Variants in FAT3 observed in about 807,000 individuals in gnomAD.
The protein encoded by FAT3 is protocadherin Fat 3.
A neutral mutation model predicts 310.2 loss-of-function variants in FAT3; 95 were observed. The ratio of observed to expected loss-of-function variants is 0.31; its 90% CI spans 0.26 to 0.36. The LOEUF (loss-of-function observed/expected upper bound fraction) is 0.36, where lower values mean the gene tolerates loss of function less well. Among genes scored for constraint, FAT3 ranks in the 10% least tolerant of loss-of-function variants. The pLI, the probability that FAT3 is intolerant of heterozygous loss-of-function variation, is 1.00. For missense variants in FAT3, 5,408 were observed against 5,715.6 expected (o/e 0.95, Z 1.74); for synonymous variants, 2,314 against 2,192.9 (o/e 1.06, Z -1.54).
At chr11:92,851,540 C>T (rs1948829219) in intron 19 of FAT3, among the ~76,000 whole-genome samples, 1 of 152,168 alleles carries the variant, frequency 6.6e-6, no homozygotes, top group Non-Finnish European at 1.5e-5. Flanking sequence ...ACTTATCTTA[C>T]TACCCCACCT....
Position 92,836,634 on chromosome 11 carries a change from G to T in FAT3, c.10155G>T (p.Arg3385=). 1.2e-6 allele frequency: 2 copies of T among 1,613,708 alleles called. No individual in the cohort carries two copies. Among genetic ancestry groups the T allele is most frequent in the Non-Finnish European group, 1.7e-6 (2 of 1,179,768 alleles). ...QIHFSIVNGD[R]DNEFTVDPVL... ...ATTTTTCCATTGTGAATGGAGATCG[G>T]GACAATGAATTTACTGTAGATCCTG... The change falls in exon 16 of 28, where the codon CGG becomes CGT. Residue 3385 remains arginine (R), a synonymous_variant. Coordinates refer to ENST00000525166, the MANE Select transcript of FAT3 (RefSeq NM_001367949.2).
intron 10 of FAT3, among the ~76,000 whole-genome samples, chr11:92,803,083 G>T (rs1428667844): frequency 6.6e-6 from 1 of 151,994 alleles, no homozygotes; most frequent in Non-Finnish European, 1.5e-5. Flanking sequence ...ATAGAAGAAA[G>T]AGGTGAGTGA....
intron 2 of FAT3, among the ~76,000 whole-genome samples, chr11:92,520,621 T>C (rs187985074): frequency 1.3e-5 from 2 of 152,248 alleles, no homozygotes; most frequent in Admixed American, 6.5e-5. Context: ...AATGTGGATT[T>C]ACATTCTTAG....
chr11:92,379,517 T>C (rs1387793943), intron 2 of FAT3, among the ~76,000 whole-genome samples: 1 of 152,194 alleles, frequency 6.6e-6, no homozygotes, highest in Non-Finnish European at 1.5e-5. Flanking sequence ...CAGATGATTC[T>C]GTCCCTGCCT....
In FAT3 at chr11:92,894,783, T is replaced by G. The variant is rs1370951183; in HGVS notation, c.*3670T>G. 1 of 152,168 alleles carries G rather than the reference T, an allele frequency of 6.6e-6. No individual in the cohort carries two copies. Among genetic ancestry groups the G allele is most frequent in the Non-Finnish European group, 1.5e-5 (1 of 68,022 alleles). 9.4% of individuals were successfully genotyped at this position (152,168 alleles called of 1,614,324 possible). On this transcript the variant is annotated 3_prime_UTR_variant, in exon 28 of 28. Transcript: ENST00000525166. The stretch of plus-strand genomic sequence containing the variant: ...TGAGTAGGTGGTCCATGCTTTGAGG[T>G]TCATCCAATTAGGGAATAAATGTGA...
chr11:92,601,915 G>T (rs1481377054), intron 3 of FAT3, among the ~76,000 whole-genome samples: 1 of 152,022 alleles, frequency 6.6e-6, no homozygotes, highest in East Asian at 1.9e-4. Context: ...TTACTGCCGT[G>T]TGCCTTTTGT....
intron 3 of FAT3, among the ~76,000 whole-genome samples, chr11:92,684,485 C>G (rs1477999129): frequency 2.6e-5 from 4 of 152,142 alleles, no homozygotes; most frequent in African/African-American, 9.7e-5. Context: ...CACCACTGTT[C>G]TTGTTTCTGA....
intron 3 of FAT3, among the ~76,000 whole-genome samples, chr11:92,629,015 C>T (rs778304425): frequency 6.6e-5 from 10 of 152,242 alleles, no homozygotes; most frequent in Admixed American, 5.9e-4. Flanking sequence ...TAGAACTTAT[C>T]TTCTGCTCTT....
intron 2 of FAT3, among the ~76,000 whole-genome samples, chr11:92,395,073 G>A (rs1051604917): frequency 1.3e-5 from 2 of 152,172 alleles, no homozygotes; most frequent in African/African-American, 4.8e-5. Flanking sequence ...AGTTGAGAGT[G>A]AGTAGTATAA....
intron 6 of FAT3, among the ~76,000 whole-genome samples, chr11:92,767,150 G>C (rs1167592900): frequency 6.6e-6 from 1 of 151,830 alleles, no homozygotes; most frequent in African/African-American, 2.4e-5. Context: ...TGGGGAGGCT[G>C]AGGCAGGAGA....
chr11:92,551,883 T>C (rs1954833567), intron 3 of FAT3, among the ~76,000 whole-genome samples: 1 of 152,192 alleles, frequency 6.6e-6, no homozygotes, highest in Non-Finnish European at 1.5e-5. Flanking sequence ...TAAATCTGTC[T>C]TTATGTTTCT....
At chr11:92,550,187 C>G (rs1954759299) in intron 3 of FAT3, among the ~76,000 whole-genome samples, 1 of 152,016 alleles carries the variant, frequency 6.6e-6, no homozygotes, top group African/African-American at 2.4e-5. Flanking sequence ...AAAGAAATGT[C>G]AAGGTGTATG....
In FAT3 at chr11:92,457,908, C is replaced by T. The variant is rs569586595; in HGVS notation, c.3293-66726C>T. On this transcript the variant is annotated intron_variant, in intron 2 of 27. Coordinates refer to ENST00000525166, the MANE Select transcript of FAT3 (RefSeq NM_001367949.2). ...CTGCACTCCAGCCTGGGCTACAAAG[C>T]GAGACTCCATCTCAAAAAACAAAAT... is the stretch of plus-strand genomic sequence containing the variant. Among the ~76,000 whole-genome samples, 15 of 152,104 alleles carry T rather than the reference C, an allele frequency of 9.9e-5. 1 individual carries two copies. The South Asian group carries it at 2.9e-3, about 30-fold the overall frequency.
rs545644257 is a variant in FAT3, at chr11:92,870,663, T to C, written c.12127+3454T>C. Among the ~76,000 whole-genome samples, 3 of 152,188 alleles carry C rather than the reference T, an allele frequency of 2.0e-5. No homozygotes were observed. In the South Asian group the frequency reaches 6.2e-4, roughly 32 times the overall value. On this transcript the variant is annotated intron_variant, in intron 22 of 27. Transcript: ENST00000525166. The stretch of plus-strand genomic sequence containing the variant: ...TCCTCCACGCCTTATCATGCTTAGC[T>C]CAAGCCCATTAATGGAAAACACATT...
intron 1 of FAT3, among the ~76,000 whole-genome samples, chr11:92,285,661 A>G (rs1024654127): frequency 6.6e-6 from 1 of 152,172 alleles, no homozygotes; most frequent in Non-Finnish European, 1.5e-5. Flanking sequence ...TATTCCCTTT[A>G]TGCTTAGGAA....
At chr11:92,449,222 A>T (rs1951292216) in intron 2 of FAT3, among the ~76,000 whole-genome samples, 1 of 152,192 alleles carries the variant, frequency 6.6e-6, no homozygotes, top group African/African-American at 2.4e-5. Context: ...ATACAGGCCA[A>T]AGAATTGTAT....
chr11:92,405,293 G>C (rs1950113805), intron 2 of FAT3, among the ~76,000 whole-genome samples: 1 of 152,122 alleles, frequency 6.6e-6, no homozygotes, highest in Admixed American at 6.5e-5. Flanking sequence ...CAGGCATCAT[G>C]GAGGGTGCAC....
chr11:92,719,742 G>GTC (rs1344994890), intron 4 of FAT3, among the ~76,000 whole-genome samples: 1 of 151,168 alleles, frequency 6.6e-6, no homozygotes, highest in Non-Finnish European at 1.5e-5. Context: ...GTGTGTGTGT[G>GTC]TGTGTGTGTG....
intron 2 of FAT3, among the ~76,000 whole-genome samples, chr11:92,429,760 G>A (rs566072540): frequency 6.6e-6 from 1 of 152,212 alleles, no homozygotes; most frequent in South Asian, 2.1e-4. Flanking sequence ...TAGTATGATG[G>A]GCTTCCCTTT....
Sources: gnomAD v4.1 joint callset for allele counts (sites outside exome capture counted in the v4.1 genomes callset) on GRCh38, gnomAD v4.1.1 for gene constraint, MANE v1.5 for transcripts, NCBI Gene and HGNC (gene_info 2026-07-23, HGNC 2026-07-21) for gene names.